The following GTF2A1 variants were observed in gnomAD, a reference collection of about 807,000 sequenced individuals.
GTF2A1 encodes the protein transcription initiation factor IIA subunit 1.
Under a neutral mutation model 54.1 loss-of-function variants are expected in GTF2A1, and 12 were observed. The observed-to-expected ratio is 0.22, with a 90% CI of 0.14 to 0.36. The LOEUF (loss-of-function observed/expected upper bound fraction) is 0.36. Among genes scored for constraint, GTF2A1 ranks in the 10% least tolerant of loss-of-function variants. The pLI is 1.00. For missense variants in GTF2A1, 335 were observed against 442.2 expected (o/e 0.76, Z 2.17); for synonymous variants, 145 against 152.0 (o/e 0.95, Z 0.34).
chr14:81,207,141 ACCTACCTACCTACCTACC>A (rs1893251900), intron 2 of GTF2A1, among the ~76,000 whole-genome samples: 1 of 15,820 alleles, frequency 6.3e-5, no homozygotes, highest in Admixed American at 3.6e-4. Flanking sequence ...CTACCTACGT[ACCTACCTACCTACCTACC>A]TACCTACCTA....
rs1199227098 is a variant in GTF2A1 at position 81,178,073 on chromosome 14, A to T, written c.*2150T>A. On this transcript the variant is annotated 3_prime_UTR_variant, in exon 9 of 9. Coordinates refer to ENST00000553612, the MANE Select transcript of GTF2A1 (RefSeq NM_015859.4). ...AAGCAGTGGTTGTTAATATTTGAAA[A>T]ATAAAGTTATAAAAACAGGCCAGTA... The T allele has an allele frequency of 6.6e-6, 1 of 152,158 alleles. No homozygotes were observed. Among genetic ancestry groups the T allele is most frequent in the Non-Finnish European group, 1.5e-5 (1 of 67,978 alleles). 9.4% of individuals were successfully genotyped at this position (152,158 alleles called of 1,614,324 possible). A position where few individuals can be genotyped will look rare whatever the true frequency, so the allele number is the denominator to read the frequency against.
intron 1 of GTF2A1, among the ~76,000 whole-genome samples, 192 bp downstream of exon 1, chr14:81,220,297 C>G (rs1049496556): frequency 7.6e-5 from 11 of 144,988 alleles, no homozygotes; most frequent in African/African-American, 2.7e-4. Flanking sequence ...GCCGCGAGCC[C>G]TCGGCGCCCC....
rs555721816 is a variant in GTF2A1, at chr14:81,208,384, T to C, written c.133-4280A>G. 3.9e-5 allele frequency among the ~76,000 whole-genome samples: 6 copies of C among 152,336 alleles called. No individual in the cohort carries two copies. The East Asian group carries it at 7.7e-4, about 20-fold the overall frequency. On this transcript the variant is annotated intron_variant, in intron 2 of 8. Coordinates refer to ENST00000553612, the MANE Select transcript of GTF2A1 (RefSeq NM_015859.4). ...GAATTGAGGTTTGGGAACTTCTACC[T>C]AGATTTCAGAAGATGTATGGAAACG...
intron 1 of GTF2A1, among the ~76,000 whole-genome samples, chr14:81,217,491 A>G (rs1893512064): frequency 6.6e-6 from 1 of 152,224 alleles, no homozygotes; most frequent in African/African-American, 2.4e-5. Context: ...GTTATGGTTA[A>G]CAAGCTTTTT....
rs1189490585 is a variant in GTF2A1 at position 81,177,599 on chromosome 14, GA to G, written c.*2623del. ...TGCAAATCTAAACAAATCCTCTCCA[GA>G]AACCATTACTTATTTTCATAATACC... On this transcript the variant is annotated 3_prime_UTR_variant, in exon 9 of 9. Transcript: ENST00000553612. 1 of 152,110 alleles carries G rather than the reference GA, an allele frequency of 6.6e-6. No homozygotes were observed. Among genetic ancestry groups the G allele is most frequent in the Admixed American group, 6.5e-5 (1 of 15,274 alleles). The allele number at this position is 152,110 out of a possible 1,614,324, so 9.4% of individuals were successfully genotyped here.
At chr14:81,197,599 A>T (rs1893018678) in intron 4 of GTF2A1, 115 bp from the exon 5 acceptor site, 3 of 592,842 alleles carry the variant, frequency 5.1e-6, no homozygotes, top group Non-Finnish European at 5.9e-6. Context: ...AAATTTAAAA[A>T]ATCTAGTAAG....
chr14:81,209,607 T>A (rs1893317462), intron 2 of GTF2A1, among the ~76,000 whole-genome samples: 1 of 152,170 alleles, frequency 6.6e-6, no homozygotes, highest in African/African-American at 2.4e-5. Context: ...CAGATAATCC[T>A]CACACTAAAG....
rs544450328 is a variant in GTF2A1 at position 81,179,488 on chromosome 14, T to C, written c.*735A>G. On this transcript the variant is annotated 3_prime_UTR_variant, in exon 9 of 9. Transcript: ENST00000553612. ...AAATTAAGTTTTTCTGTAAGGAAAT[T>C]AAAGTTGTGGTTTCAATTCCACTGA... 6.6e-6 allele frequency: 1 copy of C among 152,232 alleles called. No homozygotes were observed. Among genetic ancestry groups the C allele is most frequent in the Non-Finnish European group, 1.5e-5 (1 of 68,034 alleles). The allele number at this position is 152,232 out of a possible 1,614,324, so 9.4% of individuals were successfully genotyped here. A position where few individuals can be genotyped will look rare whatever the true frequency, so the allele number is the denominator to read the frequency against.
At chr14:81,198,017 G>T (rs1315902158) in intron 4 of GTF2A1, among the ~76,000 whole-genome samples, 1 of 152,088 alleles carries the variant, frequency 6.6e-6, no homozygotes, top group Non-Finnish European at 1.5e-5. Context: ...CACTGTATCA[G>T]AAGACTTCAC....
intron 7 of GTF2A1, among the ~76,000 whole-genome samples, chr14:81,186,912 C>T (rs1170037449): frequency 6.6e-6 from 1 of 151,846 alleles, no homozygotes; most frequent in Non-Finnish European, 1.5e-5. Flanking sequence ...CACACCATTG[C>T]ACTCCAGCCT....
chr14:81,181,680 G>A (rs1308720030), intron 8 of GTF2A1, among the ~76,000 whole-genome samples: 3 of 152,114 alleles, frequency 2.0e-5, no homozygotes, highest in Non-Finnish European at 4.4e-5. Flanking sequence ...GAGTAGCTGG[G>A]ATTACAGGCA....
At chr14:81,195,583 G>C (rs2140156575) in intron 6 of GTF2A1, among the ~76,000 whole-genome samples, 1 of 140,472 alleles carries the variant, frequency 7.1e-6, no homozygotes, top group Admixed American at 7.6e-5. Flanking sequence ...AGTGAGCTGA[G>C]ATCGCGCCAC....
chr14:81,218,628 T>G (rs1308436207), intron 1 of GTF2A1, among the ~76,000 whole-genome samples: 2 of 152,092 alleles, frequency 1.3e-5, no homozygotes, highest in Non-Finnish European at 2.9e-5. Context: ...ACAGGTTATT[T>G]CAAACTTAAG....
intron 7 of GTF2A1, among the ~76,000 whole-genome samples, chr14:81,188,832 C>G (rs1037681462): frequency 6.6e-6 from 1 of 151,094 alleles, no homozygotes; most frequent in Non-Finnish European, 1.5e-5. Context: ...CCTATGTTTT[C>G]TTCTAAGAGT....
chr14:81,210,822 TG>T (rs1337119206), intron 2 of GTF2A1, among the ~76,000 whole-genome samples: 1 of 152,138 alleles, frequency 6.6e-6, no homozygotes, highest in Non-Finnish European at 1.5e-5. Flanking sequence ...CCCAAAGTGC[TG>T]GAATTACAGG....
chr14:81,203,965 T>A lies in GTF2A1; in HGVS notation c.272A>T (p.Gln91Leu). ...HHHHHHHQQA[Q>L]PQQTVPQQAQ... ...TTGCTGAGGTACTGTCTGCTGAGGC[T>A]GAGCTTGCTGATGATGGTGATGGTG... The change falls in exon 3 of 9, where the codon CAG becomes CTG. Residue 91 changes from glutamine (Q) to leucine (L), a missense_variant. Gln to Leu is a moderately radical substitution (Grantham distance 113). This residue lies in a region of GTF2A1 where 306 missense variants were observed against 360.4 expected (regional missense o/e 0.85). Transcript: ENST00000553612. The A allele has an allele frequency of 6.2e-7, 1 of 1,611,668 alleles. No homozygotes were observed. The highest frequency in any genetic ancestry group is 8.5e-7 in the Non-Finnish European group (1 of 1,177,866).
At chr14:81,181,130 C>T (rs1444107780) in intron 8 of GTF2A1, among the ~76,000 whole-genome samples, 1 of 152,190 alleles carries the variant, frequency 6.6e-6, no homozygotes, top group Non-Finnish European at 1.5e-5. Flanking sequence ...GAAGGGCAGG[C>T]TCTGGGCACT....
chr14:81,185,053 T>A (rs1892714500), intron 8 of GTF2A1, among the ~76,000 whole-genome samples: 1 of 152,204 alleles, frequency 6.6e-6, no homozygotes, highest in African/African-American at 2.4e-5. Context: ...CAAAGTTAAA[T>A]AATATTTTAA....
rs1307326156 is a variant in GTF2A1, at chr14:81,176,711, TTAAC to T, written c.*3508_*3511del. ...AGGAAACAAGTAAAGCAACTATTTT[TTAAC>T]TAAAGAATTCAAAATCTGCTATAGC... On this transcript the variant is annotated 3_prime_UTR_variant, in exon 9 of 9. Transcript: ENST00000553612. 1 of 152,084 alleles carries T rather than the reference TTAAC, an allele frequency of 6.6e-6. No homozygotes were observed. The highest frequency in any genetic ancestry group is 2.4e-5 in the African/African-American group (1 of 41,428). 9.4% of individuals were successfully genotyped at this position (152,084 alleles called of 1,614,324 possible). A position where few individuals can be genotyped will look rare whatever the true frequency, so the allele number is the denominator to read the frequency against.
Sources: gnomAD v4.1 joint callset for allele counts (sites outside exome capture counted in the v4.1 genomes callset) on GRCh38, gnomAD v4.1.1 for gene constraint, gnomAD v4.1.1 regional missense constraint, MANE v1.5 for transcripts, NCBI Gene and HGNC (gene_info 2026-07-23, HGNC 2026-07-21) for gene names.